The following ITPR2 variants were observed in gnomAD, a reference collection of about 807,000 sequenced individuals.
The protein encoded by ITPR2 is inositol 1,4,5-trisphosphate receptor type 2.
In ITPR2, 207 loss-of-function variants were observed where a neutral mutation model predicts 317.1. The ratio of observed to expected loss-of-function variants is 0.65; its 90% CI spans 0.58 to 0.73. The LOEUF (loss-of-function observed/expected upper bound fraction) is 0.73, where lower values mean the gene tolerates loss of function less well. ITPR2 is among the 30% of genes least tolerant of loss of function. ITPR2 has a pLI of 0.00. For synonymous variants in ITPR2, 1,156 were observed against 1,149.1 expected, an observed-to-expected ratio of 1.01 and a Z score of -0.12; for missense variants, 2,613 against 3,284.0, an observed-to-expected ratio of 0.80 and a Z score of 4.99.
At chr12:26,471,270 A>G (rs1942285625) in intron 45 of ITPR2, among the ~76,000 whole-genome samples, 1 of 152,216 alleles carries the variant, frequency 6.6e-6, no homozygotes, top group South Asian at 2.1e-4. Context: ...ATGGTTTAAT[A>G]TATATTGGAC....
chr12:26,810,097 A>G (rs1402678795), intron 1 of ITPR2, among the ~76,000 whole-genome samples: 1 of 152,214 alleles, frequency 6.6e-6, no homozygotes, highest in Non-Finnish European at 1.5e-5. Flanking sequence ...AAAAGAATAA[A>G]ATAACTTTCG....
chr12:26,588,073 G>C (rs1006664933), intron 32 of ITPR2, among the ~76,000 whole-genome samples: 3 of 152,212 alleles, frequency 2.0e-5, no homozygotes, highest in Non-Finnish European at 4.4e-5. Context: ...AGATGCTACA[G>C]TCTTGAAAAG....
At chr12:26,476,281 A>G (rs1454063912) in intron 44 of ITPR2, among the ~76,000 whole-genome samples, 1 of 152,218 alleles carries the variant, frequency 6.6e-6, no homozygotes, top group Non-Finnish European at 1.5e-5. Context: ...CTTAATCATC[A>G]GGGCACTGAG....
intron 55 of ITPR2, among the ~76,000 whole-genome samples, chr12:26,386,376 T>C (rs1939663922): frequency 1.3e-5 from 2 of 152,180 alleles, no homozygotes; most frequent in Non-Finnish European, 2.9e-5. Flanking sequence ...TGCTGAAATA[T>C]ATAAATCCAA....
At chr12:26,412,674 G>A (rs1250236436) in intron 51 of ITPR2, among the ~76,000 whole-genome samples, 1 of 151,976 alleles carries the variant, frequency 6.6e-6, no homozygotes, top group Non-Finnish European at 1.5e-5. Flanking sequence ...TTCTAGGAGG[G>A]GGAAAAAAAC....
At position 26,622,458 on chromosome 12, in the gene ITPR2, C is replaced by T. The variant is rs1946522020; in HGVS notation, c.3123-53G>A. ...GACTCCTATTTATATAACATCTACA[C>T]TTCAGTATTAGAATTGTATACGTAT... is the stretch of plus-strand genomic sequence containing the variant. On this transcript the variant is annotated intron_variant, in intron 24 of 56. Coordinates refer to ENST00000381340, the MANE Select transcript of ITPR2 (RefSeq NM_002223.4). 6 of 1,360,732 alleles carry T rather than the reference C, an allele frequency of 4.4e-6. No homozygotes were observed. The South Asian group carries it at 8.7e-5, about 20-fold the overall frequency. 84.3% of individuals were successfully genotyped at this position (1,360,732 alleles called of 1,614,324 possible). A position where few individuals can be genotyped will look rare whatever the true frequency, so the allele number is the denominator to read the frequency against.
chr12:26,404,146 C>T (rs1033561451), intron 52 of ITPR2, among the ~76,000 whole-genome samples: 2 of 152,042 alleles, frequency 1.3e-5, no homozygotes, highest in African/African-American at 4.8e-5. Context: ...TGAGCCTCAA[C>T]CAGGGTAATG....
chr12:26,569,663 T>C (rs1945105531), intron 34 of ITPR2, among the ~76,000 whole-genome samples: 1 of 151,866 alleles, frequency 6.6e-6, no homozygotes, highest in Non-Finnish European at 1.5e-5. Flanking sequence ...AAAAACCTAT[T>C]AGGAGAAATA....
chr12:26,689,820 C>T (rs1043901932), intron 10 of ITPR2, among the ~76,000 whole-genome samples: 8 of 152,000 alleles, frequency 5.3e-5, no homozygotes, highest in Admixed American at 2.0e-4. Flanking sequence ...ATGAAGAACA[C>T]GGCATACAAA....
chr12:26,506,792 T>C (rs1006180298), intron 37 of ITPR2, among the ~76,000 whole-genome samples: 3 of 152,238 alleles, frequency 2.0e-5, no homozygotes, highest in African/African-American at 7.2e-5. Context: ...TTTTCGTATT[T>C]TACTAAAAAA....
intron 26 of ITPR2, among the ~76,000 whole-genome samples, chr12:26,616,223 C>T (rs555663338): frequency 7.9e-5 from 12 of 152,056 alleles, no homozygotes; most frequent in East Asian, 1.9e-4. Flanking sequence ...CTGCAAGCTC[C>T]GCCTCCCGGG....
chr12:26,382,049 T>C (rs905564199), intron 55 of ITPR2, among the ~76,000 whole-genome samples: 16 of 152,204 alleles, frequency 1.1e-4, no homozygotes, highest in African/African-American at 3.9e-4. Flanking sequence ...ATCCTTTGCT[T>C]AATGGGAGAA....
chr12:26,432,976 T>C (rs912282479), intron 48 of ITPR2, among the ~76,000 whole-genome samples: 4 of 152,314 alleles, frequency 2.6e-5, no homozygotes, highest in South Asian at 4.2e-4. Context: ...TCAGAGAACC[T>C]TCACCACCAG....
At chr12:26,495,101 G>T (rs1388549617) in intron 38 of ITPR2, 51 bp downstream of exon 38, 1 of 925,758 alleles carries the variant, frequency 1.1e-6, no homozygotes, top group East Asian at 2.4e-5. Context: ...ACACTGACAT[G>T]AAGATGTATC....
chr12:26,705,895 G>C (rs1178680328), intron 9 of ITPR2, among the ~76,000 whole-genome samples: 2 of 152,150 alleles, frequency 1.3e-5, no homozygotes, highest in African/African-American at 2.4e-5. Flanking sequence ...AAGCAATATA[G>C]GTCAAGTAAT....
Position 26,832,994 on chromosome 12 carries a change from C to T in ITPR2, c.-213G>A, listed in dbSNP as rs918890584. ...ACCGGGGCCAAGCCGCAGCTGCGGACACCCCGCGAAGAGCGCAGCCCAGGC... is the reference window on the plus strand; with the variant it reads ...ACCGGGGCCAAGCCGCAGCTGCGGATACCCCGCGAAGAGCGCAGCCCAGGC... On this transcript the variant is annotated 5_prime_UTR_variant, in exon 1 of 57. Transcript: ENST00000381340. The T allele has an allele frequency of 3.9e-6, 2 of 515,792 alleles. No individual in the cohort carries two copies. Among genetic ancestry groups the T allele is most frequent in the Non-Finnish European group, 3.4e-6 (1 of 298,032 alleles). The allele number at this position is 515,792 out of a possible 1,614,324, so 32.0% of individuals were successfully genotyped here. A position where few individuals can be genotyped will look rare whatever the true frequency, so the allele number is the denominator to read the frequency against.
chr12:26,582,707 C>T (rs1024181188), intron 32 of ITPR2, among the ~76,000 whole-genome samples: 1 of 152,114 alleles, frequency 6.6e-6, no homozygotes, highest in Non-Finnish European at 1.5e-5. Flanking sequence ...AAAGAGGAAT[C>T]ACCAGATGAG....
intron 37 of ITPR2, among the ~76,000 whole-genome samples, chr12:26,520,676 A>G (rs78974127): frequency 0.04 from 6,057 of 152,142 alleles, 303 homozygotes; most frequent in African/African-American, 0.12. Context: ...CTTTCTTTTC[A>G]TCTTTCATTT....
chr12:26,402,106 C>A (rs1591992462), intron 52 of ITPR2, among the ~76,000 whole-genome samples: 1 of 152,228 alleles, frequency 6.6e-6, no homozygotes, highest in South Asian at 2.1e-4. Context: ...GGAAGCCAGA[C>A]CAAGGGTGGG....
Sources: gnomAD v4.1 joint callset for allele counts (sites outside exome capture counted in the v4.1 genomes callset) on GRCh38, gnomAD v4.1.1 for gene constraint, MANE v1.5 for transcripts, NCBI Gene and HGNC (gene_info 2026-07-23, HGNC 2026-07-21) for gene names.